The following SLC9A2 variants were observed in gnomAD, a reference collection of about 807,000 sequenced individuals.
SLC9A2 encodes the protein solute carrier family 9 member A2, also known as sodium/hydrogen exchanger 2.
SLC9A2 carries 42 observed loss-of-function variants against 71.7 expected under a neutral mutation model. That is an observed-to-expected ratio of 0.59 (90% CI 0.46 to 0.76). The LOEUF (loss-of-function observed/expected upper bound fraction) is 0.76. SLC9A2 is among the 30% of genes least tolerant of loss of function. SLC9A2 has a pLI of 0.00. For missense variants in SLC9A2, 829 were observed against 1,017.4 expected (o/e 0.81, Z 2.52); for synonymous variants, 396 against 392.5 (o/e 1.01, Z -0.10).
rs554253678 is a variant in SLC9A2, at chr2:102,674,290, G to A, written c.1004+8940G>A. On this transcript the variant is annotated intron_variant, in intron 3 of 11. Transcript: ENST00000233969. ...TCCTTGACATGATACGTGTCCCAAG[G>A]AGAACCCGTTATTCTTTATCCTTGC... 2.6e-5 allele frequency among the ~76,000 whole-genome samples: 4 copies of A among 152,232 alleles called. No homozygotes were observed. The South Asian group carries it at 8.3e-4, about 32-fold the overall frequency.
intron 6 of SLC9A2, 91 bp downstream of exon 6, chr2:102,694,594 A>C (rs1677718368): frequency 3.5e-6 from 2 of 567,950 alleles, no homozygotes; most frequent in Admixed American, 2.8e-5. Flanking sequence ...CCATTTCCTG[A>C]AGAAGAAGGG....
At chr2:102,632,107 T>C (rs1363090300) in intron 1 of SLC9A2, among the ~76,000 whole-genome samples, 8 of 71,162 alleles carry the variant, frequency 1.1e-4, no homozygotes, top group African/African-American at 4.2e-4. Flanking sequence ...TATATACATA[T>C]ATATGTATAT....
At position 102,709,677 on chromosome 2, in the gene SLC9A2, A is replaced by G. The variant is rs1678065119; in HGVS notation, c.*1188A>G. On this transcript the variant is annotated 3_prime_UTR_variant, in exon 12 of 12. Coordinates refer to ENST00000233969, the MANE Select transcript of SLC9A2 (RefSeq NM_003048.6). ...ATATAGTAACTCAGAATTTTCATAT[A>G]AAATTGAATTCTACTCATTAGAGTA... 6.5e-6 allele frequency: 1 copy of G among 152,796 alleles called. No individual in the cohort carries two copies. The highest frequency in any genetic ancestry group is 1.5e-5 in the Non-Finnish European group (1 of 68,038). The allele number at this position is 152,796 out of a possible 1,614,324, so 9.5% of individuals were successfully genotyped here.
chr2:102,648,573 A>G (rs764661060), intron 1 of SLC9A2, among the ~76,000 whole-genome samples: 1 of 152,210 alleles, frequency 6.6e-6, no homozygotes, highest in Non-Finnish European at 1.5e-5. Flanking sequence ...TGCAGATGAC[A>G]TGATTGTATA....
intron 1 of SLC9A2, among the ~76,000 whole-genome samples, chr2:102,630,418 T>C (rs1676335297): frequency 6.6e-6 from 1 of 152,070 alleles, no homozygotes; most frequent in South Asian, 2.1e-4. Flanking sequence ...TGTTGGTAAG[T>C]GGAATTATGT....
chr2:102,702,704 C>T (rs2104554981), intron 9 of SLC9A2, among the ~76,000 whole-genome samples: 1 of 152,176 alleles, frequency 6.6e-6, no homozygotes, highest in South Asian at 2.1e-4. Flanking sequence ...CCTTGGGGTC[C>T]CCTGGGAGTT....
Position 102,705,934 on chromosome 2 carries a change from C to A in SLC9A2, c.2066C>A (p.Ala689Glu). Reference sequence around the variant, plus strand: ...CAAAAGAGGAGGACTATTTCTATTGCAGGTAGTGAATATAGTTGGAGCAGA... The same window carrying A: ...CAAAAGAGGAGGACTATTTCTATTGAAGGTAGTGAATATAGTTGGAGCAGA... The part of the protein sequence containing the change: ...KLQKRRTISI[A>E]DGNSSDSDAD... The change falls in exon 11 of 12, where the codon GCA becomes GAA. Residue 689 changes from alanine (A) to glutamate (E), a missense_variant and splice_region_variant. This residue lies in a region of SLC9A2 where 223 missense variants were observed against 197.5 expected (regional missense o/e 1.13). Transcript: ENST00000233969. 1 of 1,570,138 alleles carries A rather than the reference C, an allele frequency of 6.4e-7. No individual in the cohort carries two copies. The highest frequency in any genetic ancestry group is 8.7e-7 in the Non-Finnish European group (1 of 1,150,490).
chr2:102,680,157 C>A (rs577588279), intron 3 of SLC9A2, among the ~76,000 whole-genome samples: 1 of 134,174 alleles, frequency 7.5e-6, no homozygotes, highest in African/African-American at 2.5e-5. Flanking sequence ...TACTTGGCAA[C>A]ATTTTTTTTT....
intron 3 of SLC9A2, among the ~76,000 whole-genome samples, chr2:102,670,612 A>C (rs947431748): frequency 3.3e-5 from 5 of 151,038 alleles, no homozygotes. Flanking sequence ...AAAAAAAAAA[A>C]AAAAAAAAAA....
At chr2:102,632,001 T>G (rs1371881800) in intron 1 of SLC9A2, among the ~76,000 whole-genome samples, 334 of 25,922 alleles carry the variant, frequency 0.013, 19 homozygotes, top group East Asian at 0.12. Context: ...TGGGGATATA[T>G]ATATATATAT....
Position 102,710,354 on chromosome 2 carries a change from C to G in SLC9A2, c.*1865C>G, listed in dbSNP as rs1340248926. ...TGCCAAAAATCAGGTTTCAGAAAAG[C>G]TACAGTATGAAATCTGAAAAGCAAC... On this transcript the variant is annotated 3_prime_UTR_variant, in exon 12 of 12. Transcript: ENST00000233969. 1 of 152,232 alleles carries G rather than the reference C, an allele frequency of 6.6e-6. No homozygotes were observed. The highest frequency in any genetic ancestry group is 1.9e-4 in the East Asian group (1 of 5,322). 9.4% of individuals were successfully genotyped at this position (152,232 alleles called of 1,614,324 possible).
Position 102,646,629 on chromosome 2 carries a change from C to G in SLC9A2, c.290-10935C>G, listed in dbSNP as rs183492438. On this transcript the variant is annotated intron_variant, in intron 1 of 11. Coordinates refer to ENST00000233969, the MANE Select transcript of SLC9A2 (RefSeq NM_003048.6). ...GAATATTTACAAAGCAAATGGAAAA[C>G]AAACAAACAAAAAAAGCAGGGGTTG... Among the ~76,000 whole-genome samples, 339 of 151,670 alleles carry G rather than the reference C, an allele frequency of 2.2e-3. 1 individual carries two copies. The highest frequency in any genetic ancestry group is 3.9e-3 in the Non-Finnish European group (266 of 67,890).
At chr2:102,706,970 A>T (rs1166314222) in intron 11 of SLC9A2, among the ~76,000 whole-genome samples, 1 of 152,208 alleles carries the variant, frequency 6.6e-6, no homozygotes, top group Non-Finnish European at 1.5e-5. Context: ...AAAATGTGGG[A>T]TGTCTAAGGG....
Position 102,708,414 on chromosome 2 carries a change from G to C in SLC9A2, c.2364G>C (p.Lys788Asn), listed in dbSNP as rs780493869. ...EDSLTEGIPP[K>N]PPPRLVWRAS... ...GTTTGACTGAAGGCATCCCGCCCAA[G>C]CCGCCACCACGGCTGGTCTGGAGGG... The change falls in exon 12 of 12, where the codon AAG becomes AAC. Residue 788 changes from lysine (K) to asparagine (N), a missense_variant. Physicochemically the swap from Lys to Asn is moderately conservative, Grantham distance 94. Transcript: ENST00000233969. The C allele has an allele frequency of 3.7e-6, 6 of 1,614,108 alleles. No homozygotes were observed. In the East Asian group the frequency reaches 1.3e-4, roughly 36 times the overall value.
Position 102,619,757 on chromosome 2 carries a change from G to T in SLC9A2, c.-92G>T. The T allele has an allele frequency of 8.1e-7, 1 of 1,241,124 alleles. No homozygotes were observed. Among genetic ancestry groups the T allele is most frequent in the Non-Finnish European group, 1.1e-6 (1 of 931,644 alleles). 76.9% of individuals were successfully genotyped at this position (1,241,124 alleles called of 1,614,324 possible). The stretch of plus-strand genomic sequence containing the variant: ...CTGTCGCTGCCCTGCCCTGCACGGG[G>T]CAGGGCGGAGCGGGCTGAGCAGCCC... On this transcript the variant is annotated 5_prime_UTR_variant, in exon 1 of 12. Transcript: ENST00000233969. This position sits in a 1 kb window ranked among gnomAD's most constrained non-coding sequence, Gnocchi z 4.3.
Position 102,704,586 on chromosome 2 carries a change from G to C in SLC9A2, c.1888G>C (p.Glu630Gln). The C allele has an allele frequency of 6.2e-7, 1 of 1,613,538 alleles. No homozygotes were observed. Among genetic ancestry groups the C allele is most frequent in the Non-Finnish European group, 8.5e-7 (1 of 1,179,584 alleles). ...ACACAGTCTGACAGCCGACACAAGT[G>C]AGAGACAAGCCAAGGAGATTCTGAT... is the stretch of plus-strand genomic sequence containing the variant. ...NRHSLTADTS[E>Q]RQAKEILIRR... Residue 630 changes from glutamate to glutamine, a missense_variant, in exon 10 of 12, where the codon GAG (glutamate) becomes CAG (glutamine). Physicochemically the swap from Glu to Gln is conservative, Grantham distance 29 (BLOSUM62 2). This residue lies in a region of SLC9A2 where 500 missense variants were observed against 726.3 expected (regional missense o/e 0.69). Coordinates refer to ENST00000233969, the MANE Select transcript of SLC9A2 (RefSeq NM_003048.6).
At position 102,660,281 on chromosome 2, in the gene SLC9A2, C is replaced by G. The variant is rs539434589; in HGVS notation, c.753+2254C>G. 2.0e-5 allele frequency among the ~76,000 whole-genome samples: 3 copies of G among 152,318 alleles called. No homozygotes were observed. In the East Asian group the frequency reaches 5.8e-4, roughly 29 times the overall value. On this transcript the variant is annotated intron_variant, in intron 2 of 11. Coordinates refer to ENST00000233969, the MANE Select transcript of SLC9A2 (RefSeq NM_003048.6). ...AGAAGGGCACAGACAGAGCAAGGCC[C>G]TGGCTGGTGCTTTGAGGTGGAAGCT...
chr2:102,686,644 T>G (rs1677552141), intron 5 of SLC9A2: 1 of 152,246 alleles, frequency 6.6e-6, no homozygotes, highest in Admixed American at 6.5e-5. Context: ...GCAGCCCTCT[T>G]TATTTTGGAA....
intron 3 of SLC9A2, among the ~76,000 whole-genome samples, chr2:102,666,224 C>T (rs1677137882): frequency 8.4e-6 from 1 of 119,242 alleles, no homozygotes; most frequent in African/African-American, 3.1e-5. Flanking sequence ...GAGGCGGAGT[C>T]TCGCTCTCTC....
Sources: allele counts gnomAD v4.1 joint callset (sites outside exome capture counted in the v4.1 genomes callset), GRCh38; gene constraint gnomAD v4.1.1; regional missense constraint gnomAD v4.1.1; non-coding constraint Gnocchi (gnomAD v3.1); transcripts MANE v1.5; gene names NCBI Gene and HGNC (gene_info 2026-07-23, HGNC 2026-07-21).